The following CBLN2 variants were observed in gnomAD, a reference collection of about 807,000 sequenced individuals.
CBLN2 encodes the protein cerebellin-2.
A neutral mutation model predicts 15.0 loss-of-function variants in CBLN2; 7 were observed. The observed-to-expected ratio is 0.47, with a 90% CI of 0.27 to 0.88. CBLN2 has a LOEUF of 0.88. Among genes scored for constraint, CBLN2 ranks in the 40% least tolerant of loss-of-function variants. CBLN2 has a pLI of 0.14. For synonymous variants in CBLN2, 149 were observed against 135.2 expected, an observed-to-expected ratio of 1.10 and a Z score of -0.71; for missense variants, 242 against 304.5, an observed-to-expected ratio of 0.79 and a Z score of 1.53.
In CBLN2 at chr18:72,541,851, C is replaced by A. The variant is rs745787524; in HGVS notation, c.310G>T (p.Glu104Ter). The A allele has an allele frequency of 1.3e-6, 2 of 1,599,038 alleles. No individual in the cohort carries two copies. Among genetic ancestry groups the A allele is most frequent in the Admixed American group, 1.7e-5 (1 of 58,920 alleles). ...GTGCGGTTGCTCATCTCGGACGGCT[C>A]GTGGTTGGTGCTCCGCGTGGCGGAG... ...AFSATRSTNH[E>*]PSEMSNRTMT... The change falls in exon 3 of 5, where the codon GAG (glutamate) becomes TAG (stop). Residue 104 changes from glutamate to a stop codon, truncating the protein, a stop_gained. Coordinates refer to ENST00000269503, the MANE Select transcript of CBLN2 (RefSeq NM_182511.4). LOFTEE classifies it high-confidence loss of function.
chr18:72,565,669 C>T (rs2069290145), intron 1 of CBLN2, among the ~76,000 whole-genome samples: 1 of 152,122 alleles, frequency 6.6e-6, no homozygotes, highest in African/African-American at 2.4e-5. Flanking sequence ...GGAATCAAAG[C>T]TTACTGCTAC....
In CBLN2 at chr18:72,542,339, A is replaced by G. The variant is rs904158061; in HGVS notation, c.-166-13T>C. ...GGCGCCTGTGAACCTGTCAGGGCAC[A>G]GAACCCAAAGCCTTACACCGGGAGG... is the stretch of plus-strand genomic sequence containing the variant. On this transcript the variant is annotated splice_polypyrimidine_tract_variant and intron_variant, in intron 2 of 4. Transcript: ENST00000269503. 3.3e-6 allele frequency: 1 copy of G among 302,560 alleles called. No individual in the cohort carries two copies. Among genetic ancestry groups the G allele is most frequent in the Non-Finnish European group, 5.7e-6 (1 of 175,658 alleles). 18.7% of individuals were successfully genotyped at this position (302,560 alleles called of 1,614,324 possible).
chr18:72,602,949 C>A (rs75753063), intron 1 of CBLN2, among the ~76,000 whole-genome samples: 1,773 of 152,286 alleles, frequency 0.012, 38 homozygotes, highest in African/African-American at 0.04. Context: ...TTTGTTTTCT[C>A]CTTCCATGGT....
intron 1 of CBLN2, among the ~76,000 whole-genome samples, chr18:72,603,069 G>A (rs181435130): frequency 1.3e-5 from 2 of 152,328 alleles, no homozygotes; most frequent in East Asian, 3.9e-4. Flanking sequence ...CTCACTGAGA[G>A]GATTAAATGG....
intron 1 of CBLN2, among the ~76,000 whole-genome samples, chr18:72,576,242 C>T (rs986754665): frequency 6.6e-6 from 1 of 152,060 alleles, no homozygotes; most frequent in Admixed American, 6.6e-5. Context: ...AGAATGTGAG[C>T]CTTCTGACAC....
intron 1 of CBLN2, among the ~76,000 whole-genome samples, chr18:72,601,495 A>C (rs564149473): frequency 6.6e-6 from 1 of 152,170 alleles, no homozygotes; most frequent in African/African-American, 2.4e-5. Context: ...GTCTCCATGC[A>C]GAGGAGAAGG....
chr18:72,625,575 A>G (rs1443446074), intron 1 of CBLN2, among the ~76,000 whole-genome samples: 1 of 150,898 alleles, frequency 6.6e-6, no homozygotes, highest in East Asian at 1.9e-4. Flanking sequence ...TATTTGTTAC[A>G]TGAACGAATG....
At chr18:72,617,547 A>G (rs2069670313) in intron 1 of CBLN2, among the ~76,000 whole-genome samples, 1 of 152,218 alleles carries the variant, frequency 6.6e-6, no homozygotes, top group African/African-American at 2.4e-5. Flanking sequence ...GAAAGATAAA[A>G]CATTAAACCT....
Position 72,542,339 on chromosome 18 carries a change from A to C in CBLN2, c.-166-13T>G, listed in dbSNP as rs904158061. The C allele has an allele frequency of 5.0e-5, 15 of 302,442 alleles. No homozygotes were observed. The highest frequency in any genetic ancestry group is 7.4e-5 in the Non-Finnish European group (13 of 175,666). The allele number at this position is 302,442 out of a possible 1,614,324, so 18.7% of individuals were successfully genotyped here. A position where few individuals can be genotyped will look rare whatever the true frequency, so the allele number is the denominator to read the frequency against. On this transcript the variant is annotated splice_polypyrimidine_tract_variant and intron_variant, in intron 2 of 4. Transcript: ENST00000269503. ...GGCGCCTGTGAACCTGTCAGGGCAC[A>C]GAACCCAAAGCCTTACACCGGGAGG...
At chr18:72,588,799 G>A (rs1353100434) in intron 1 of CBLN2, among the ~76,000 whole-genome samples, 1 of 152,180 alleles carries the variant, frequency 6.6e-6, no homozygotes, top group Non-Finnish European at 1.5e-5. Context: ...TTTCCAGGCT[G>A]AGAGAATGCA....
intron 1 of CBLN2, among the ~76,000 whole-genome samples, chr18:72,572,607 T>C (rs1257994753): frequency 6.6e-6 from 1 of 152,108 alleles, no homozygotes; most frequent in Non-Finnish European, 1.5e-5. Flanking sequence ...TTTTTTGAGA[T>C]TGGGTCTCAC....
intron 1 of CBLN2, among the ~76,000 whole-genome samples, chr18:72,621,918 T>A (rs1159568529): frequency 6.6e-6 from 1 of 152,194 alleles, no homozygotes; most frequent in Non-Finnish European, 1.5e-5. Context: ...ACCGATGGAT[T>A]CATATTCATG....
At chr18:72,603,381 C>T (rs2069561834) in intron 1 of CBLN2, among the ~76,000 whole-genome samples, 2 of 151,904 alleles carry the variant, frequency 1.3e-5, no homozygotes. Flanking sequence ...CTGCGGGTCC[C>T]TTTTTTTTCT....
At chr18:72,600,237 G>C (rs576618510) in intron 1 of CBLN2, among the ~76,000 whole-genome samples, 2 of 152,282 alleles carry the variant, frequency 1.3e-5, no homozygotes, top group East Asian at 3.9e-4. Context: ...GAAGGAATCC[G>C]TATGATTATA....
chr18:72,563,013 A>C, intron 1 of CBLN2, among the ~76,000 whole-genome samples: 1 of 152,242 alleles, frequency 6.6e-6, no homozygotes, highest in East Asian at 1.9e-4. Context: ...ACTTTGTCTT[A>C]ATATTTAGAG....
At chr18:72,564,562 A>G (rs1452063734) in intron 1 of CBLN2, among the ~76,000 whole-genome samples, 1 of 152,196 alleles carries the variant, frequency 6.6e-6, no homozygotes, top group African/African-American at 2.4e-5. Context: ...TTTTCTCAAA[A>G]CAACTGATTT....
At chr18:72,635,491 C>T (rs776824357) in intron 1 of CBLN2, among the ~76,000 whole-genome samples, 1 of 152,078 alleles carries the variant, frequency 6.6e-6, no homozygotes, top group African/African-American at 2.4e-5. Context: ...CACATTATGG[C>T]TTTCTTTTCC....
intron 1 of CBLN2, among the ~76,000 whole-genome samples, chr18:72,626,439 T>G (rs1356062022): frequency 1.3e-5 from 2 of 152,006 alleles, no homozygotes; most frequent in Non-Finnish European, 2.9e-5. Context: ...CCTTGATGTG[T>G]AAAAAAGAAG....
intron 1 of CBLN2, among the ~76,000 whole-genome samples, chr18:72,567,330 T>C (rs574910038): frequency 2.0e-5 from 3 of 152,286 alleles, no homozygotes; most frequent in South Asian, 4.1e-4. Context: ...AAAAAATCCA[T>C]TATGTATTCT....
Sources: gnomAD v4.1 joint callset for allele counts (sites outside exome capture counted in the v4.1 genomes callset) on GRCh38, gnomAD v4.1.1 for gene constraint, MANE v1.5 for transcripts, NCBI Gene and HGNC (gene_info 2026-07-23, HGNC 2026-07-21) for gene names.